AFG1L: variants seen among roughly 807,000 people sequenced by gnomAD.
AFG1L encodes the protein AFG1-like ATPase.
AFG1L carries 53 observed loss-of-function variants against 62.2 expected under a neutral mutation model. That is an observed-to-expected ratio of 0.85 (90% CI 0.68 to 1.07). The LOEUF (loss-of-function observed/expected upper bound fraction) is 1.07. Among genes scored for constraint, AFG1L ranks in the 50% least tolerant of loss-of-function variants. The pLI, the probability that AFG1L is intolerant of heterozygous loss-of-function variation, is 0.00. For synonymous variants in AFG1L, 228 were observed against 210.3 expected (o/e 1.08, Z -0.73); for missense variants, 555 against 590.5 (o/e 0.94, Z 0.62).
At chr6:108,315,482 G>A (rs1462935204) in intron 1 of AFG1L, among the ~76,000 whole-genome samples, 1 of 152,214 alleles carries the variant, frequency 6.6e-6, no homozygotes, top group Non-Finnish European at 1.5e-5. Flanking sequence ...AAACACCTAA[G>A]TATTTTGTTG....
intron 1 of AFG1L, among the ~76,000 whole-genome samples, chr6:108,301,382 C>G (rs1226299985): frequency 6.6e-6 from 1 of 152,286 alleles, no homozygotes; most frequent in African/African-American, 2.4e-5. Context: ...CATTTCCCCC[C>G]ACTCCCTTTT....
At chr6:108,356,142 G>A (rs1779278230) in intron 4 of AFG1L, among the ~76,000 whole-genome samples, 1 of 152,068 alleles carries the variant, frequency 6.6e-6, no homozygotes, top group Non-Finnish European at 1.5e-5. Context: ...CTTTGCTAGT[G>A]ATCTTACGTT....
intron 6 of AFG1L, among the ~76,000 whole-genome samples, chr6:108,379,141 G>C (rs1780384823): frequency 6.6e-6 from 1 of 151,614 alleles, no homozygotes; most frequent in South Asian, 2.1e-4. Flanking sequence ...CTCCTGAGTA[G>C]CTGGGATTGC....
At chr6:108,496,677 A>T (rs1406784717) in intron 10 of AFG1L, among the ~76,000 whole-genome samples, 1 of 151,920 alleles carries the variant, frequency 6.6e-6, no homozygotes, top group Non-Finnish European at 1.5e-5. Flanking sequence ...TTTTGGTTTG[A>T]CTCTTTTCTG....
intron 10 of AFG1L, among the ~76,000 whole-genome samples, chr6:108,492,733 AT>A (rs11389705): frequency 4.7e-5 from 7 of 150,078 alleles, no homozygotes; most frequent in African/African-American, 7.3e-5. Flanking sequence ...CCTTGCCAGT[AT>A]TTTTTTTTTG....
intron 12 of AFG1L, 191 bp from the exon 13 acceptor site, chr6:108,522,106 G>T: frequency 2.3e-6 from 1 of 429,784 alleles, no homozygotes; most frequent in Non-Finnish European, 4.2e-6. Flanking sequence ...AATTTGATGT[G>T]TTTACTGCCT....
At chr6:108,391,077 A>T (rs908795644) in intron 6 of AFG1L, among the ~76,000 whole-genome samples, 2 of 152,184 alleles carry the variant, frequency 1.3e-5, no homozygotes, top group African/African-American at 4.8e-5. Flanking sequence ...TGCTATAAAC[A>T]TGCATGTGCA....
At chr6:108,463,730 T>C (rs1486347112) in intron 8 of AFG1L, among the ~76,000 whole-genome samples, 1 of 152,172 alleles carries the variant, frequency 6.6e-6, no homozygotes, top group African/African-American at 2.4e-5. Context: ...GAAATGGATC[T>C]CTGAACAGTC....
intron 7 of AFG1L, among the ~76,000 whole-genome samples, chr6:108,403,751 A>T (rs1340446145): frequency 6.6e-6 from 1 of 152,056 alleles, no homozygotes; most frequent in Non-Finnish European, 1.5e-5. Context: ...GAAAGAAACA[A>T]GTTAAGGGGT....
At chr6:108,453,598 C>G (rs931453562) in intron 8 of AFG1L, among the ~76,000 whole-genome samples, 1 of 152,220 alleles carries the variant, frequency 6.6e-6, no homozygotes, top group Admixed American at 6.5e-5. Flanking sequence ...TAATTAAAAA[C>G]TTCATGTTTC....
intron 1 of AFG1L, among the ~76,000 whole-genome samples, chr6:108,298,260 A>ATTTTTTT (rs779200181): frequency 8.2e-6 from 1 of 121,500 alleles, no homozygotes; most frequent in African/African-American, 3.3e-5. Context: ...GAGGGGAAGA[A>ATTTTTTT]TTTTTTTTTT....
At chr6:108,460,541 T>G (rs753569617) in intron 8 of AFG1L, among the ~76,000 whole-genome samples, 42 of 152,340 alleles carry the variant, frequency 2.8e-4, no homozygotes, top group South Asian at 6.2e-4. Flanking sequence ...TTTATGTTTC[T>G]TGTTCATTTC....
At chr6:108,469,570 G>A (rs1048222557) in intron 8 of AFG1L, among the ~76,000 whole-genome samples, 8 of 152,154 alleles carry the variant, frequency 5.3e-5, no homozygotes, top group Non-Finnish European at 1.0e-4. Context: ...TTGTAAGGGT[G>A]CAACAGGCAG....
chr6:108,468,228 A>G (rs1164068135), intron 8 of AFG1L, among the ~76,000 whole-genome samples: 3 of 152,222 alleles, frequency 2.0e-5, no homozygotes, highest in Non-Finnish European at 2.9e-5. Context: ...TAAATAGAAC[A>G]CACCCTTGAG....
chr6:108,390,083 A>C (rs1458472521), intron 6 of AFG1L, among the ~76,000 whole-genome samples: 1 of 150,280 alleles, frequency 6.7e-6, no homozygotes, highest in Non-Finnish European at 1.5e-5. Flanking sequence ...ATTTCTTTTT[A>C]CTCTTTTTTC....
chr6:108,364,135 A>G (rs1379597080), intron 5 of AFG1L, among the ~76,000 whole-genome samples: 2 of 152,172 alleles, frequency 1.3e-5, no homozygotes, highest in Non-Finnish European at 2.9e-5. Flanking sequence ...TGGTAATGAA[A>G]TGCTGGGTAC....
intron 10 of AFG1L, among the ~76,000 whole-genome samples, chr6:108,503,046 A>G (rs1240779429): frequency 6.6e-6 from 1 of 152,166 alleles, no homozygotes. Context: ...TTCAGGCTCC[A>G]CTTCTAATTC....
intron 10 of AFG1L, among the ~76,000 whole-genome samples, chr6:108,488,619 G>C (rs1002268658): frequency 3.6e-4 from 54 of 151,940 alleles, no homozygotes; most frequent in African/African-American, 1.2e-3. Context: ...TTGGGAGGCC[G>C]AGGTGGGCAG....
At chr6:108,485,939 C>T (rs948884480) in intron 10 of AFG1L, among the ~76,000 whole-genome samples, 3 of 151,394 alleles carry the variant, frequency 2.0e-5, no homozygotes, top group Non-Finnish European at 2.9e-5. Flanking sequence ...TTCCAAAGTG[C>T]TGGGATTACA....
Sources: gnomAD v4.1 joint callset for allele counts (sites outside exome capture counted in the v4.1 genomes callset) on GRCh38, gnomAD v4.1.1 for gene constraint, MANE v1.5 for transcripts, NCBI Gene and HGNC (gene_info 2026-07-23, HGNC 2026-07-21) for gene names.